Variants in TSPEAR observed in about 807,000 individuals in gnomAD.
TSPEAR encodes thrombospondin-type laminin G domain and EAR repeat-containing protein.
In TSPEAR, 69 loss-of-function variants were observed where a neutral mutation model predicts 71.6. The ratio of observed to expected loss-of-function variants is 0.96; its 90% CI spans 0.79 to 1.18. TSPEAR has a LOEUF of 1.18. TSPEAR is among the 50% of genes most tolerant of loss of function. The pLI, the probability that TSPEAR is intolerant of heterozygous loss-of-function variation, is 0.00. For missense variants in TSPEAR, 971 were observed against 894.9 expected, an observed-to-expected ratio of 1.09 and a Z score of -1.09; for synonymous variants, 402 against 387.2, an observed-to-expected ratio of 1.04 and a Z score of -0.45.
At chr21:44,674,731 AGT>A (rs59452363) in intron 1 of TSPEAR, among the ~76,000 whole-genome samples, 12,359 of 126,672 alleles carry the variant, frequency 0.098, 624 homozygotes, top group South Asian at 0.14. Flanking sequence ...CTGTCTTTAA[AGT>A]GTGTGTGTGT....
intron 1 of TSPEAR, among the ~76,000 whole-genome samples, chr21:44,613,982 C>T (rs1981900925): frequency 6.6e-6 from 1 of 152,070 alleles, no homozygotes; most frequent in South Asian, 2.1e-4. Context: ...GCTCAGGCCT[C>T]TCCTCCTCCC....
At chr21:44,625,377 G>A (rs1982700368) in intron 1 of TSPEAR, among the ~76,000 whole-genome samples, 1 of 152,224 alleles carries the variant, frequency 6.6e-6, no homozygotes, top group Non-Finnish European at 1.5e-5. Context: ...AGGATCACTT[G>A]AGCCCAGGAG....
chr21:44,652,130 C>T (rs1273488803), intron 1 of TSPEAR, among the ~76,000 whole-genome samples: 2 of 152,026 alleles, frequency 1.3e-5, no homozygotes, highest in South Asian at 4.1e-4. Flanking sequence ...AGTACAGGTG[C>T]CTGCCACCTC....
intron 1 of TSPEAR, among the ~76,000 whole-genome samples, chr21:44,649,624 G>C (rs1176207987): frequency 1.3e-5 from 2 of 152,160 alleles, no homozygotes; most frequent in Non-Finnish European, 2.9e-5. Context: ...TCGGTTTTGG[G>C]GGCCAAGCTT....
At chr21:44,624,178 A>C (rs1440032611) in intron 1 of TSPEAR, among the ~76,000 whole-genome samples, 5 of 152,098 alleles carry the variant, frequency 3.3e-5, no homozygotes, top group Non-Finnish European at 5.9e-5. Context: ...GGTTTTGTCT[A>C]ATATGTTGTC....
intron 1 of TSPEAR, among the ~76,000 whole-genome samples, chr21:44,597,535 C>T (rs377395368): frequency 6.8e-4 from 103 of 151,596 alleles, no homozygotes; most frequent in African/African-American, 2.3e-3. Flanking sequence ...TGGGTTCAAG[C>T]GATTCTCCTG....
chr21:44,626,943 A>G (rs587744330), intron 1 of TSPEAR, among the ~76,000 whole-genome samples: 3 of 152,202 alleles, frequency 2.0e-5, no homozygotes, highest in African/African-American at 4.8e-5. Flanking sequence ...CAGGTGTGAC[A>G]GGAGATTTGT....
At chr21:44,706,388 TGCACCCATGCGCAC>T (rs1425079102) in intron 1 of TSPEAR, among the ~76,000 whole-genome samples, 8 of 146,530 alleles carry the variant, frequency 5.5e-5, no homozygotes, top group East Asian at 2.0e-4. Context: ...CACACGCGCG[TGCACCCATGCGCAC>T]GCACCCATGC....
intron 1 of TSPEAR, chr21:44,627,746 G>A (rs782594387): frequency 7.5e-6 from 12 of 1,595,396 alleles, no homozygotes; most frequent in Admixed American, 5.2e-5. Context: ...AAGCCTGTCT[G>A]CTGCAAACCC....
chr21:44,518,474 T>C, intron 9 of TSPEAR: 2 of 377,038 alleles, frequency 5.3e-6, no homozygotes, highest in South Asian at 4.1e-5. Context: ...CAAAACGCAC[T>C]CCCCAACCCA....
intron 1 of TSPEAR, among the ~76,000 whole-genome samples, chr21:44,624,398 T>A (rs587700244): frequency 6.6e-6 from 1 of 152,356 alleles, no homozygotes; most frequent in Admixed American, 6.5e-5. Flanking sequence ...TGCTTTTTCC[T>A]CTTGGTCCTT....
At chr21:44,539,778 A>C (rs781912986) in intron 2 of TSPEAR, 2 of 1,612,626 alleles carry the variant, frequency 1.2e-6, no homozygotes, top group East Asian at 4.5e-5. Flanking sequence ...TGGCAGCTAG[A>C]CTGCTGGCAG....
At chr21:44,598,307 G>A (rs376057116) in intron 1 of TSPEAR, among the ~76,000 whole-genome samples, 134 of 152,268 alleles carry the variant, frequency 8.8e-4, no homozygotes, top group Non-Finnish European at 1.5e-3. Context: ...ATTGTGCGGC[G>A]CAATCCCAGC....
At chr21:44,527,731 C>A (rs1381402858) in intron 6 of TSPEAR, among the ~76,000 whole-genome samples, 1 of 152,172 alleles carries the variant, frequency 6.6e-6, no homozygotes, top group Non-Finnish European at 1.5e-5. Context: ...CTGTGCAGCC[C>A]CCAGTGAAGT....
At chr21:44,617,735 C>G (rs782734283) in intron 1 of TSPEAR, among the ~76,000 whole-genome samples, 1 of 152,228 alleles carries the variant, frequency 6.6e-6, no homozygotes, top group South Asian at 2.1e-4. Context: ...CAGCAAGCTG[C>G]GCAGTGTTCC....
chr21:44,634,813 A>G (rs1334861784), intron 1 of TSPEAR, among the ~76,000 whole-genome samples: 1 of 152,250 alleles, frequency 6.6e-6, no homozygotes, highest in Non-Finnish European at 1.5e-5. Flanking sequence ...CAAGATGGCT[A>G]TAATTTAACA....
chr21:44,565,815 A>G (rs1226869470), intron 2 of TSPEAR, among the ~76,000 whole-genome samples: 2 of 152,240 alleles, frequency 1.3e-5, no homozygotes, highest in Non-Finnish European at 2.9e-5. Flanking sequence ...AATCATCTCT[A>G]TTCACAGATG....
At chr21:44,647,546 G>A (rs994952399) in intron 1 of TSPEAR, 2 of 704,980 alleles carry the variant, frequency 2.8e-6, no homozygotes, top group Non-Finnish European at 4.7e-6. Flanking sequence ...AAATCCCTCA[G>A]CAGGTGGACT....
At chr21:44,692,939 C>T (rs541506240) in intron 1 of TSPEAR, among the ~76,000 whole-genome samples, 23 of 152,180 alleles carry the variant, frequency 1.5e-4, no homozygotes, top group African/African-American at 5.3e-4. Context: ...GGAGGATTCA[C>T]ACTTCCTGAT....
Sources: allele counts gnomAD v4.1 joint callset (sites outside exome capture counted in the v4.1 genomes callset), GRCh38; gene constraint gnomAD v4.1.1; transcripts MANE v1.5; gene names NCBI Gene and HGNC (gene_info 2026-07-23, HGNC 2026-07-21).